The following MAGI1 variants were observed in gnomAD, a reference collection of about 807,000 sequenced individuals.
MAGI1 encodes membrane associated guanylate kinase, WW and PDZ domain containing 1.
In MAGI1, 58 loss-of-function variants were observed where a neutral mutation model predicts 139.9. The ratio of observed to expected loss-of-function variants is 0.41; its 90% CI spans 0.34 to 0.52. The LOEUF (loss-of-function observed/expected upper bound fraction) is 0.52, where lower values mean the gene tolerates loss of function less well. Ranked by LOEUF, MAGI1 falls within the 20% of genes least tolerant of loss-of-function variation. The pLI is 0.12. For synonymous variants in MAGI1, 812 were observed against 737.9 expected, an observed-to-expected ratio of 1.10 and a Z score of -1.63; for missense variants, 1,874 against 1,901.6, an observed-to-expected ratio of 0.99 and a Z score of 0.27.
chr3:65,734,328 C>T (rs935190432), intron 1 of MAGI1, among the ~76,000 whole-genome samples: 47 of 151,858 alleles, frequency 3.1e-4, no homozygotes, highest in African/African-American at 1.1e-3. Context: ...GGTATGGTGG[C>T]ACTTGCCTGT....
chr3:65,384,300 A>C (rs971557235), intron 14 of MAGI1, among the ~76,000 whole-genome samples: 2 of 152,222 alleles, frequency 1.3e-5, no homozygotes, highest in Non-Finnish European at 2.9e-5. Context: ...ACAGATAGAA[A>C]ATTTGTTAGA....
At chr3:65,360,725 T>G (rs1337494182) in intron 22 of MAGI1, 3 of 1,005,100 alleles carry the variant, frequency 3.0e-6, no homozygotes, top group Admixed American at 5.2e-5. Context: ...TAAGGGAGGT[T>G]AGCAAAGCCC....
At chr3:65,827,994 G>A (rs908897003) in intron 1 of MAGI1, among the ~76,000 whole-genome samples, 3 of 152,092 alleles carry the variant, frequency 2.0e-5, no homozygotes, top group Non-Finnish European at 4.4e-5. Context: ...AGATGAACCA[G>A]GAACCACTCA....
At chr3:65,734,331 T>C (rs1559831709) in intron 1 of MAGI1, among the ~76,000 whole-genome samples, 1 of 151,806 alleles carries the variant, frequency 6.6e-6, no homozygotes, top group Non-Finnish European at 1.5e-5. Flanking sequence ...ATGGTGGCAC[T>C]TGCCTGTAGC....
chr3:65,507,025 T>G (rs1376531583), intron 2 of MAGI1, among the ~76,000 whole-genome samples: 1 of 152,174 alleles, frequency 6.6e-6, no homozygotes, highest in Non-Finnish European at 1.5e-5. Context: ...AGTATACATA[T>G]GGCTACATCA....
At chr3:65,400,640 T>C (rs893056911) in intron 13 of MAGI1, among the ~76,000 whole-genome samples, 1 of 151,098 alleles carries the variant, frequency 6.6e-6, no homozygotes. Flanking sequence ...CCCGGGAGCA[T>C]AAACCCATAC....
chr3:65,832,630 T>C (rs982431713), intron 1 of MAGI1, among the ~76,000 whole-genome samples: 1 of 152,120 alleles, frequency 6.6e-6, no homozygotes, highest in African/African-American at 2.4e-5. Flanking sequence ...ACCATGTGTT[T>C]TGGAGCCATT....
intron 2 of MAGI1, among the ~76,000 whole-genome samples, chr3:65,551,751 C>T (rs2079845762): frequency 6.6e-6 from 1 of 152,224 alleles, no homozygotes; most frequent in South Asian, 2.1e-4. Flanking sequence ...AAGCAGAAGA[C>T]TATACAATCC....
At chr3:65,850,527 T>C (rs2059165363) in intron 1 of MAGI1, among the ~76,000 whole-genome samples, 1 of 152,166 alleles carries the variant, frequency 6.6e-6, no homozygotes, top group Non-Finnish European at 1.5e-5. Context: ...CATTACATCA[T>C]CTAAAAGAGT....
At chr3:65,393,805 G>C (rs148647258) in intron 13 of MAGI1, among the ~76,000 whole-genome samples, 1 of 152,242 alleles carries the variant, frequency 6.6e-6, no homozygotes, top group East Asian at 1.9e-4. Flanking sequence ...GCACACTGCA[G>C]GATTACCTGC....
chr3:66,037,964 G>A (rs1559518178), intron 1 of MAGI1, 32 bp downstream of exon 1: 1 of 1,519,902 alleles, frequency 6.6e-7, no homozygotes, highest in Non-Finnish European at 8.8e-7. Flanking sequence ...TCCTTTTCTC[G>A]GGGCGCCCCC....
At chr3:66,020,523 G>C (rs879686727) in intron 1 of MAGI1, among the ~76,000 whole-genome samples, 2 of 152,152 alleles carry the variant, frequency 1.3e-5, no homozygotes, top group African/African-American at 2.4e-5. Flanking sequence ...TATGTAGGTT[G>C]TATCTTCACA....
intron 2 of MAGI1, among the ~76,000 whole-genome samples, chr3:65,582,264 C>A (rs557105655): frequency 6.6e-6 from 1 of 152,140 alleles, no homozygotes; most frequent in East Asian, 1.9e-4. Flanking sequence ...GAGTAAGCTC[C>A]CTGTGAACAA....
chr3:65,678,227 G>A (rs144047407), intron 1 of MAGI1, among the ~76,000 whole-genome samples: 40 of 152,026 alleles, frequency 2.6e-4, no homozygotes, highest in Non-Finnish European at 5.1e-4. Context: ...TGTAGATGAC[G>A]GGTTGATGGG....
At chr3:65,632,703 A>T (rs2084381051) in intron 1 of MAGI1, among the ~76,000 whole-genome samples, 1 of 152,210 alleles carries the variant, frequency 6.6e-6, no homozygotes, top group Non-Finnish European at 1.5e-5. Context: ...TGTAGTGTGA[A>T]AGCAGCCATT....
intron 1 of MAGI1, among the ~76,000 whole-genome samples, chr3:65,831,444 A>T (rs890065770): frequency 6.6e-6 from 1 of 152,224 alleles, no homozygotes; most frequent in Non-Finnish European, 1.5e-5. Context: ...GCATGTGAAG[A>T]GCAGAAGTAT....
chr3:65,589,106 C>T (rs992684817), intron 2 of MAGI1, among the ~76,000 whole-genome samples: 5 of 152,078 alleles, frequency 3.3e-5, no homozygotes, highest in Admixed American at 2.0e-4. Flanking sequence ...TATGCATGGA[C>T]GGCTTCCTGC....
intron 1 of MAGI1, among the ~76,000 whole-genome samples, chr3:65,856,486 C>A (rs546844917): frequency 2.9e-4 from 44 of 152,256 alleles, no homozygotes; most frequent in African/African-American, 9.6e-4. Context: ...GTATCTGATC[C>A]AATTTGACCC....
chr3:65,528,920 A>G (rs984423532), intron 2 of MAGI1, among the ~76,000 whole-genome samples: 1 of 152,116 alleles, frequency 6.6e-6, no homozygotes, highest in Non-Finnish European at 1.5e-5. Context: ...TGTGGCACAC[A>G]TCTCTAGTCT....
Sources: allele counts gnomAD v4.1 joint callset (sites outside exome capture counted in the v4.1 genomes callset), GRCh38; gene constraint gnomAD v4.1.1; transcripts MANE v1.5; gene names NCBI Gene and HGNC (gene_info 2026-07-23, HGNC 2026-07-21).